CCNY: variants seen among roughly 807,000 people sequenced by gnomAD.
The protein encoded by CCNY is cyclin Y.
Under a neutral mutation model 42.8 loss-of-function variants are expected in CCNY, and 19 were observed. The observed-to-expected ratio is 0.44, with a 90% confidence interval of 0.31 to 0.65. CCNY has a LOEUF of 0.65. CCNY is among the 30% of genes least tolerant of loss of function. CCNY has a pLI of 0.07. For synonymous variants in CCNY, 165 were observed against 162.7 expected (o/e 1.01, Z -0.11); for missense variants, 370 against 437.3 (o/e 0.85, Z 1.37).
chr10:35,553,898 C>T (rs1207351922), intron 8 of CCNY, among the ~76,000 whole-genome samples: 1 of 152,110 alleles, frequency 6.6e-6, no homozygotes, highest in Non-Finnish European at 1.5e-5. Flanking sequence ...GACTGGGAAT[C>T]CAGGAACTGA....
chr10:35,436,892 A>C (rs1368934788), intron 1 of CCNY, among the ~76,000 whole-genome samples: 1 of 152,200 alleles, frequency 6.6e-6, no homozygotes, highest in African/African-American at 2.4e-5. Flanking sequence ...CACTGCTAAT[A>C]AAGATATACC....
intron 1 of CCNY, among the ~76,000 whole-genome samples, chr10:35,363,102 A>AGGT (rs1836728782): frequency 7.0e-6 from 1 of 142,272 alleles, no homozygotes. Flanking sequence ...CTCACTTCCC[A>AGGT]GCTTGTGAGG....
At chr10:35,441,120 C>T (rs1038984418) in intron 1 of CCNY, among the ~76,000 whole-genome samples, 1 of 152,150 alleles carries the variant, frequency 6.6e-6, no homozygotes, top group Non-Finnish European at 1.5e-5. Flanking sequence ...GAATGGGGCC[C>T]CATGTGGTAT....
chr10:35,382,739 A>G (rs537355941), intron 1 of CCNY, among the ~76,000 whole-genome samples: 42 of 152,282 alleles, frequency 2.8e-4, no homozygotes, highest in African/African-American at 9.9e-4. Context: ...CGGCTTCTTC[A>G]TTTCCTCAAA....
rs1038429720 is a variant in CCNY at position 35,304,505 on chromosome 10, T to G, written c.-9+53879T>G. 6.9e-5 allele frequency among the ~76,000 whole-genome samples: 5 copies of G among 72,182 alleles called. 1 individual carries two copies. The highest frequency in any genetic ancestry group is 1.3e-4 in the Non-Finnish European group (5 of 38,316). 47.4% of individuals were successfully genotyped at this position (72,182 alleles called of 152,430 possible). ...TTTTGTATTTTTAGTAGAGACGGGG[T>G]TTCACCGTTTTAGCCGGGATGGTCT... On this transcript the variant is annotated intron_variant, in intron 3 of 11. Coordinates refer to the CCNY transcript ENST00000374706.
chr10:35,424,266 G>T (rs1284063352), intron 1 of CCNY, among the ~76,000 whole-genome samples: 1 of 152,104 alleles, frequency 6.6e-6, no homozygotes, highest in Non-Finnish European at 1.5e-5. Flanking sequence ...CACTCTTGTT[G>T]CCCAGGCTGG....
intron 3 of CCNY, among the ~76,000 whole-genome samples, chr10:35,504,942 A>G (rs969277069): frequency 1.3e-5 from 2 of 152,138 alleles, no homozygotes; most frequent in Non-Finnish European, 2.9e-5. Context: ...CAGCTAGGAA[A>G]ATTTAATGCA....
In CCNY at chr10:35,569,359, A is replaced by G. The variant is rs1841639924; in HGVS notation, c.*189A>G. The stretch of plus-strand genomic sequence containing the variant: ...GAAGCGTCAGTGCCCTGGAGATCCC[A>G]GCTCGCTCTCCCCACTGTCAGCAAC... On this transcript the variant is annotated 3_prime_UTR_variant, in exon 10 of 10. Transcript: ENST00000374704. 1.7e-6 allele frequency: 1 copy of G among 586,408 alleles called. No homozygotes were observed. Among genetic ancestry groups the G allele is most frequent in the Non-Finnish European group, 3.0e-6 (1 of 328,098 alleles). The allele number at this position is 586,408 out of a possible 1,614,324, so 36.3% of individuals were successfully genotyped here. A position where few individuals can be genotyped will look rare whatever the true frequency, so the allele number is the denominator to read the frequency against.
At chr10:35,249,153 G>T (rs2135018638) in intron 2 of CCNY, among the ~76,000 whole-genome samples, 1 of 152,210 alleles carries the variant, frequency 6.6e-6, no homozygotes, top group African/African-American at 2.4e-5. Context: ...TGTTGCCCAG[G>T]CTGGTCTCGA....
intron 2 of CCNY, among the ~76,000 whole-genome samples, chr10:35,490,527 G>A (rs1839874796): frequency 6.6e-6 from 1 of 152,206 alleles, no homozygotes; most frequent in Non-Finnish European, 1.5e-5. Flanking sequence ...GCCCTTCCCT[G>A]TGTCCTCCTG....
Position 35,437,974 on chromosome 10 carries a change from C to T in CCNY, c.155-45430C>T, listed in dbSNP as rs142885619. ...AAAACTTGTCCCCTTCACCCCACAG[C>T]CTACTCTGATCGCTGGATGCCAGTT... On this transcript the variant is annotated intron_variant, in intron 1 of 9. Coordinates refer to ENST00000374704, the MANE Select transcript of CCNY (RefSeq NM_145012.6). Among the ~76,000 whole-genome samples, 14 of 152,232 alleles carry T rather than the reference C, an allele frequency of 9.2e-5. No individual in the cohort carries two copies. In the East Asian group the frequency reaches 2.5e-3, roughly 27 times the overall value.
intron 4 of CCNY, among the ~76,000 whole-genome samples, chr10:35,523,432 G>A (rs190751077): frequency 6.6e-6 from 1 of 152,314 alleles, no homozygotes; most frequent in Admixed American, 6.5e-5. Flanking sequence ...TCAGTTGTCA[G>A]CTGATGGCCT....
At chr10:35,320,651 T>A (rs140272096) in intron 3 of CCNY, among the ~76,000 whole-genome samples, 149 of 152,202 alleles carry the variant, frequency 9.8e-4, no homozygotes, top group South Asian at 2.1e-3. Flanking sequence ...AAGAAAACCA[T>A]ACAGATTGAA....
At chr10:35,565,733 G>C (rs1446115548) in intron 8 of CCNY, among the ~76,000 whole-genome samples, 1 of 152,230 alleles carries the variant, frequency 6.6e-6, no homozygotes, top group Non-Finnish European at 1.5e-5. Context: ...TCCTCACGGA[G>C]ACCTGCAGCC....
At chr10:35,448,016 G>A (rs1286864840) in intron 1 of CCNY, among the ~76,000 whole-genome samples, 2 of 152,202 alleles carry the variant, frequency 1.3e-5, no homozygotes, top group Non-Finnish European at 2.9e-5. Context: ...TTGTTCTGGT[G>A]CTCCTTGGCT....
intron 2 of CCNY, among the ~76,000 whole-genome samples, chr10:35,250,287 C>T (rs1461762668): frequency 6.6e-6 from 1 of 151,624 alleles, no homozygotes; most frequent in East Asian, 1.9e-4. Flanking sequence ...ATCACTTGAA[C>T]CTGGAGGTCA....
intron 3 of CCNY, among the ~76,000 whole-genome samples, chr10:35,261,122 G>T (rs910641476): frequency 6.7e-6 from 1 of 149,930 alleles, no homozygotes; most frequent in Non-Finnish European, 1.5e-5. Context: ...AAAAACAAAA[G>T]AAAACAAAAC....
intron 1 of CCNY, among the ~76,000 whole-genome samples, chr10:35,385,635 A>G (rs1837286413): frequency 6.6e-6 from 1 of 152,254 alleles, no homozygotes; most frequent in Non-Finnish European, 1.5e-5. Flanking sequence ...ATTCTTACCA[A>G]TACCTGATAT....
chr10:35,254,034 C>T (rs941257163), intron 3 of CCNY, among the ~76,000 whole-genome samples: 3 of 132,620 alleles, frequency 2.3e-5, no homozygotes, highest in Admixed American at 7.3e-5. Flanking sequence ...CGCCACCATG[C>T]CCAGCTAATT....
Sources: allele counts gnomAD v4.1 joint callset (sites outside exome capture counted in the v4.1 genomes callset), GRCh38; gene constraint gnomAD v4.1.1; transcripts MANE v1.5; gene names NCBI Gene and HGNC (gene_info 2026-07-23, HGNC 2026-07-21).